STMN4: variants seen among roughly 807,000 people sequenced by gnomAD.
STMN4 encodes the protein stathmin 4.
Under a neutral mutation model 29.1 loss-of-function variants are expected in STMN4, and 12 were observed. The observed-to-expected ratio is 0.41, with a 90% CI of 0.26 to 0.67. The LOEUF is 0.67. Among genes scored for constraint, STMN4 ranks in the 30% least tolerant of loss-of-function variants. STMN4 has a pLI of 0.30. For synonymous variants in STMN4, 114 were observed against 105.3 expected (o/e 1.08, Z -0.51); for missense variants, 181 against 262.8 (o/e 0.69, Z 2.15).
intron 1 of STMN4, among the ~76,000 whole-genome samples, chr8:27,244,954 G>T (rs1276298384): frequency 6.6e-6 from 1 of 152,154 alleles, no homozygotes; most frequent in African/African-American, 2.4e-5. Context: ...GAGCCAGCAG[G>T]CTCACTGCCT....
At chr8:27,242,941 G>A (rs914599746) in intron 2 of STMN4, among the ~76,000 whole-genome samples, 1 of 152,180 alleles carries the variant, frequency 6.6e-6, no homozygotes, top group African/African-American at 2.4e-5. Context: ...AGCTGGATAG[G>A]AGGGGACCGT....
intron 1 of STMN4, among the ~76,000 whole-genome samples, chr8:27,251,910 C>T (rs545383553): frequency 9.9e-5 from 15 of 151,830 alleles, no homozygotes; most frequent in Non-Finnish European, 2.2e-4. Flanking sequence ...GCTGCACCCA[C>T]TAACTCGTCA....
rs201782471 is a variant in STMN4 at position 27,239,467 on chromosome 8, G to A, written c.591+504C>T. 10 of 708,472 alleles carry A rather than the reference G, an allele frequency of 1.4e-5. No homozygotes were observed. In the East Asian group the frequency reaches 1.9e-4, roughly 14 times the overall value. The allele number at this position is 708,472 out of a possible 1,614,324, so 43.9% of individuals were successfully genotyped here. ...ACACCGTTCCATTTATTGACAAAAGGCAACATATTGGAAAGACCTGTGACT... is the reference window on the plus strand; with the variant it reads ...ACACCGTTCCATTTATTGACAAAAGACAACATATTGGAAAGACCTGTGACT... On this transcript the variant is annotated intron_variant, in intron 6 of 6. Transcript: ENST00000350889.
chr8:27,235,715 T>C lies in STMN4; in HGVS notation c.*1131A>G, dbSNP rs1585998909. ...CCTTAAGAGGTGAGATCATGAGGAC[T>C]CCACCTTCATGAATGGGATTAGTGC... On this transcript the variant is annotated 3_prime_UTR_variant, in exon 7 of 7. Coordinates refer to ENST00000350889, the MANE Select transcript of STMN4 (RefSeq NM_030795.4). 1 of 152,328 alleles carries C rather than the reference T, an allele frequency of 6.6e-6. No homozygotes were observed. Among genetic ancestry groups the C allele is most frequent in the East Asian group, 1.9e-4 (1 of 5,186 alleles). 9.4% of individuals were successfully genotyped at this position (152,328 alleles called of 1,614,324 possible). A position where few individuals can be genotyped will look rare whatever the true frequency, so the allele number is the denominator to read the frequency against.
chr8:27,238,393 G>A (rs1406934726), intron 6 of STMN4, among the ~76,000 whole-genome samples: 1 of 152,206 alleles, frequency 6.6e-6, no homozygotes, highest in East Asian at 1.9e-4. Context: ...CAGGGGCCGA[G>A]GTCCCAAAGG....
intron 5 of STMN4, 140 bp from the exon 6 acceptor site, chr8:27,240,302 G>T (rs1323292610): frequency 2.2e-6 from 2 of 890,232 alleles, no homozygotes; most frequent in Non-Finnish European, 3.3e-6. Context: ...AGGAAACAAG[G>T]ACACTTCCTA....
intron 1 of STMN4, among the ~76,000 whole-genome samples, chr8:27,256,141 T>G (rs891292586): frequency 2.6e-5 from 4 of 152,164 alleles, no homozygotes; most frequent in Admixed American, 6.5e-5. Flanking sequence ...TCCACTTATC[T>G]GAGGTACCTA....
intron 1 of STMN4, among the ~76,000 whole-genome samples, chr8:27,248,402 G>A (rs1223839255): frequency 6.6e-6 from 1 of 152,092 alleles, no homozygotes; most frequent in East Asian, 1.9e-4. Context: ...CAGGGATGTG[G>A]ACTGGGTTTA....
chr8:27,240,298 C>A (rs887441784), intron 5 of STMN4, 136 bp from the exon 6 acceptor site: 2 of 907,800 alleles, frequency 2.2e-6, no homozygotes, highest in Non-Finnish European at 1.6e-6. Flanking sequence ...TAGCAGGAAA[C>A]AAGGACACTT....
chr8:27,243,541 T>G (rs1254147360), intron 2 of STMN4, among the ~76,000 whole-genome samples, 170 bp downstream of exon 2: 1 of 151,660 alleles, frequency 6.6e-6, no homozygotes, highest in East Asian at 1.9e-4. Context: ...GGCAGTGGTG[T>G]GCCTCCCGCC....
At chr8:27,256,012 C>T (rs2130180245) in intron 1 of STMN4, among the ~76,000 whole-genome samples, 1 of 152,248 alleles carries the variant, frequency 6.6e-6, no homozygotes, top group South Asian at 2.1e-4. Context: ...TTAATTACAA[C>T]TTAAAGGCAC....
intron 1 of STMN4, among the ~76,000 whole-genome samples, chr8:27,251,499 C>G (rs1008814989): frequency 1.3e-5 from 2 of 151,798 alleles, no homozygotes; most frequent in African/African-American, 4.8e-5. Flanking sequence ...ACAGGGCAAG[C>G]CCTTTTAATC....
intron 1 of STMN4, among the ~76,000 whole-genome samples, chr8:27,249,352 C>A (rs2130129349): frequency 6.6e-6 from 1 of 152,292 alleles, no homozygotes; most frequent in East Asian, 1.9e-4. Context: ...CTCCCGGGAA[C>A]TACATGGGAC....
At chr8:27,251,966 C>T (rs1801802150) in intron 1 of STMN4, among the ~76,000 whole-genome samples, 1 of 151,730 alleles carries the variant, frequency 6.6e-6, no homozygotes, top group African/African-American at 2.4e-5. Context: ...CCCCCTTCCC[C>T]CATTCCACAA....
At chr8:27,248,920 A>G (rs1801706900) in intron 1 of STMN4, among the ~76,000 whole-genome samples, 1 of 152,140 alleles carries the variant, frequency 6.6e-6, no homozygotes, top group African/African-American at 2.4e-5. Context: ...ATTGAGTTCC[A>G]CTCTGAAGTT....
chr8:27,243,649 C>G, intron 2 of STMN4, 62 bp downstream of exon 2: 1 of 1,547,960 alleles, frequency 6.5e-7, no homozygotes. Flanking sequence ...TTCTGTGAGT[C>G]CATGTTGGGT....
intron 1 of STMN4, among the ~76,000 whole-genome samples, chr8:27,249,405 G>A (rs1413250828): frequency 6.6e-6 from 1 of 152,172 alleles, no homozygotes; most frequent in Non-Finnish European, 1.5e-5. Flanking sequence ...GGCATTTAGT[G>A]GGCAGAGGCT....
At chr8:27,254,239 C>T (rs1801873593) in intron 1 of STMN4, among the ~76,000 whole-genome samples, 1 of 152,190 alleles carries the variant, frequency 6.6e-6, no homozygotes, top group African/African-American at 2.4e-5. Context: ...TCTGCATGCT[C>T]AGTGTGAACT....
At chr8:27,239,648 C>T (rs773686990) in intron 6 of STMN4, 1 of 1,368,662 alleles carries the variant, frequency 7.3e-7, no homozygotes, top group East Asian at 2.5e-5. Context: ...GAATGCATAC[C>T]TGCTTGTCTA....
Sources: allele counts gnomAD v4.1 joint callset (sites outside exome capture counted in the v4.1 genomes callset), GRCh38; gene constraint gnomAD v4.1.1; transcripts MANE v1.5; gene names NCBI Gene and HGNC (gene_info 2026-07-23, HGNC 2026-07-21).